DHTKD1: variants seen among roughly 807,000 people sequenced by gnomAD.
DHTKD1 encodes dehydrogenase E1 and transketolase domain containing 1.
A neutral mutation model predicts 101.8 loss-of-function variants in DHTKD1; 78 were observed. The ratio of observed to expected loss-of-function variants is 0.77; its 90% CI spans 0.64 to 0.93. The LOEUF is 0.93. DHTKD1 is among the 40% of genes least tolerant of loss of function. The pLI, the probability that DHTKD1 is intolerant of heterozygous loss-of-function variation, is 0.00. For missense variants in DHTKD1, 1,223 were observed against 1,161.7 expected, an observed-to-expected ratio of 1.05 and a Z score of -0.77; for synonymous variants, 462 against 450.3, an observed-to-expected ratio of 1.03 and a Z score of -0.33.
rs1833138781 is a variant in DHTKD1 at position 12,100,235 on chromosome 10, C to G, written c.1729C>G (p.Leu577Val). Residue 577 changes from leucine (L) to valine (V), a missense_variant, in exon 9 of 17, where the codon CTT becomes GTT. Physicochemically the swap from Leu to Val is conservative, Grantham distance 32 (BLOSUM62 1). Coordinates refer to ENST00000263035, the MANE Select transcript of DHTKD1 (RefSeq NM_018706.7). ...IKLDWATAEA[L>V]ALGSLLAQGF... ...GCTAGACTGGGCCACCGCGGAAGCT[C>G]TTGCCTTGGGTTCTTTACTTGCTCA... is the stretch of plus-strand genomic sequence containing the variant. 1 of 1,539,444 alleles carries G rather than the reference C, an allele frequency of 6.5e-7. No individual in the cohort carries two copies. The highest frequency in any genetic ancestry group is 2.5e-5 in the East Asian group (1 of 40,366).
chr10:12,075,324 G>C lies in DHTKD1; in HGVS notation c.154+6137G>C, dbSNP rs558800717. The stretch of plus-strand genomic sequence containing the variant: ...CCTCCAAGTAGCTGGGGTTGCAGGT[G>C]CTTCTCGCCATGCCCGGCTAATTTC... On this transcript the variant is annotated intron_variant, in intron 1 of 16. Transcript: ENST00000263035. Among the ~76,000 whole-genome samples, 4 of 152,228 alleles carry C rather than the reference G, an allele frequency of 2.6e-5. No individual in the cohort carries two copies. The East Asian group carries it at 5.8e-4, about 22-fold the overall frequency.
Position 12,087,441 on chromosome 10 carries a change from TG to T in DHTKD1, c.523-90del. On this transcript the variant is annotated intron_variant, in intron 3 of 16. Coordinates refer to ENST00000263035, the MANE Select transcript of DHTKD1 (RefSeq NM_018706.7). This position sits in a 1 kb window ranked among gnomAD's most constrained non-coding sequence, Gnocchi z 5.2. Reference sequence around the variant, plus strand: ...CATTGCTGTGGCCACTTGGGGAGTGTGGGGCCATCTCACAACACACACAGAC... The same window carrying T: ...CATTGCTGTGGCCACTTGGGGAGTGTGGGCCATCTCACAACACACACAGAC... 2 of 1,059,726 alleles carry T rather than the reference TG, an allele frequency of 1.9e-6. No homozygotes were observed. The highest frequency in any genetic ancestry group is 1.4e-6 in the Non-Finnish European group (1 of 725,642). The allele number at this position is 1,059,726 out of a possible 1,614,324, so 65.6% of individuals were successfully genotyped here.
chr10:12,112,789 T>C, intron 12 of DHTKD1, 111 bp from the exon 13 acceptor site: 3 of 1,094,338 alleles, frequency 2.7e-6, no homozygotes, highest in Non-Finnish European at 3.9e-6. Flanking sequence ...GGGCAATAGC[T>C]TTTCTGCTAT....
chr10:12,098,980 G>T (rs1385458704), intron 8 of DHTKD1, among the ~76,000 whole-genome samples: 1 of 152,166 alleles, frequency 6.6e-6, no homozygotes, highest in Admixed American at 6.6e-5. Context: ...AGACCAGCCT[G>T]GGCAACATAG....
At chr10:12,115,972 C>T (rs1047482893) in intron 13 of DHTKD1, among the ~76,000 whole-genome samples, 7 of 151,312 alleles carry the variant, frequency 4.6e-5, no homozygotes, top group Admixed American at 4.6e-4. Context: ...GCTCTGTCAC[C>T]CAGGCTGGAG....
At chr10:12,086,221 CT>C (rs1246673651) in intron 3 of DHTKD1, among the ~76,000 whole-genome samples, 27 of 78,072 alleles carry the variant, frequency 3.5e-4, no homozygotes, top group South Asian at 1.1e-3. Flanking sequence ...CTTTTGTTTT[CT>C]TTTCTTTTTT....
intron 7 of DHTKD1, among the ~76,000 whole-genome samples, chr10:12,096,232 TTA>T (rs1469694408): frequency 1.3e-5 from 2 of 152,234 alleles, no homozygotes; most frequent in East Asian, 3.9e-4. Context: ...GTTTATTTCC[TTA>T]TAGATATAAA....
At chr10:12,080,635 C>T (rs1440790761) in intron 1 of DHTKD1, among the ~76,000 whole-genome samples, 2 of 151,122 alleles carry the variant, frequency 1.3e-5, no homozygotes, top group Non-Finnish European at 2.9e-5. Flanking sequence ...GACTTGAACC[C>T]GGGAGGCGCA....
intron 4 of DHTKD1, 60 bp from the exon 5 acceptor site, chr10:12,088,926 C>G: frequency 6.8e-7 from 1 of 1,472,734 alleles, no homozygotes; most frequent in Non-Finnish European, 9.3e-7. Context: ...CTCAGCACTT[C>G]TTCCCTAGAC....
chr10:12,115,467 C>T (rs1350576482), intron 13 of DHTKD1, among the ~76,000 whole-genome samples: 2 of 152,166 alleles, frequency 1.3e-5, no homozygotes, highest in African/African-American at 4.8e-5. Flanking sequence ...GCGATATTTT[C>T]ATGGCCCTAA....
rs531845388 is a variant in DHTKD1, at chr10:12,110,744, A to T, written c.2155-2156A>T. Among the ~76,000 whole-genome samples, 34 of 151,986 alleles carry T rather than the reference A, an allele frequency of 2.2e-4. No individual in the cohort carries two copies. The highest frequency in any genetic ancestry group is 4.3e-4 in the Non-Finnish European group (29 of 68,000). ...TACAGTAGATCTCCAGAACTTATTC[A>T]AGGGAGGAAAGTTGGCCTAGCATGG... On this transcript the variant is annotated intron_variant, in intron 12 of 16. Transcript: ENST00000263035. The surrounding 1 kb of genome is among the most constrained non-coding windows in gnomAD (Gnocchi z 4.9).
At chr10:12,072,487 A>T (rs112155912) in intron 1 of DHTKD1, among the ~76,000 whole-genome samples, 1,746 of 49,464 alleles carry the variant, frequency 0.035, 27 homozygotes, top group East Asian at 0.18. Context: ...AAATAAATAA[A>T]TAAATAAATA....
rs1230883862 is a variant in DHTKD1 at position 12,118,637 on chromosome 10, C to A, written c.2403-112C>A. The stretch of plus-strand genomic sequence containing the variant: ...GACCTCGTGATCCGCCCGCCTTGGC[C>A]TCCCAAAGTGCTGAGATTACAGGCG... On this transcript the variant is annotated intron_variant, in intron 14 of 16. Coordinates refer to ENST00000263035, the MANE Select transcript of DHTKD1 (RefSeq NM_018706.7). 9.3e-6 allele frequency: 7 copies of A among 749,768 alleles called. No homozygotes were observed. In the African/African-American group the frequency reaches 1.1e-4, roughly 11 times the overall value. The allele number at this position is 749,768 out of a possible 1,614,324, so 46.4% of individuals were successfully genotyped here.
At chr10:12,082,446 T>G (rs958972721) in intron 2 of DHTKD1, among the ~76,000 whole-genome samples, 5 of 152,140 alleles carry the variant, frequency 3.3e-5, no homozygotes, top group African/African-American at 1.2e-4. Flanking sequence ...ATCTTGCAAA[T>G]ATCAAATTCT....
Position 12,117,765 on chromosome 10 carries a change from G to C in DHTKD1, c.2402+10G>C, listed in dbSNP as rs139573946. The C allele has an allele frequency of 1.4e-3, 2,083 of 1,518,628 alleles. 19 individuals carry two copies. The highest frequency in any genetic ancestry group is 0.012 in the African/African-American group (898 of 72,756). 94.1% of individuals were successfully genotyped at this position (1,518,628 alleles called of 1,614,324 possible). On this transcript the variant is annotated intron_variant, in intron 14 of 16. Coordinates refer to ENST00000263035, the MANE Select transcript of DHTKD1 (RefSeq NM_018706.7). ...CTGTGGATCCAAAAAAGTAAGATATGTATCTCTGTTTTCATATTCTGTGGC... is the reference window on the plus strand; with the variant it reads ...CTGTGGATCCAAAAAAGTAAGATATCTATCTCTGTTTTCATATTCTGTGGC...
In DHTKD1 at chr10:12,101,179, G is replaced by C. The variant is rs1335661903; in HGVS notation, c.1894G>C (p.Glu632Gln). ...GGACCCAAATCAGAAGGGGTTTCTAGAGGTGAGATGTTTCTATAGCTGTTG... is the reference window on the plus strand; with the variant it reads ...GGACCCAAATCAGAAGGGGTTTCTACAGGTGAGATGTTTCTATAGCTGTTG... ...HMDPNQKGFL[E>Q]VSNSPLSEEA... Residue 632 changes from glutamate (E) to glutamine (Q), a missense_variant and splice_region_variant, in exon 10 of 17, where the codon GAG becomes CAG. Physicochemically the swap from Glu to Gln is conservative, Grantham distance 29. Transcript: ENST00000263035. The C allele has an allele frequency of 1.2e-6, 2 of 1,611,122 alleles. No homozygotes were observed. The highest frequency in any genetic ancestry group is 1.7e-6 in the Non-Finnish European group (2 of 1,179,282).
rs1171814292 is a variant in DHTKD1 at position 12,109,729 on chromosome 10, C to T, written c.2154+1714C>T. ...AAGTAATCCCAGCACTTTGAGAGGC[C>T]GAGGTGGGAGGATCACTTGAGCCCA... On this transcript the variant is annotated intron_variant, in intron 12 of 16. Coordinates refer to ENST00000263035, the MANE Select transcript of DHTKD1 (RefSeq NM_018706.7). 7.2e-5 allele frequency among the ~76,000 whole-genome samples: 11 copies of T among 151,758 alleles called. No individual in the cohort carries two copies. In the East Asian group the frequency reaches 7.7e-4, roughly 11 times the overall value.
At chr10:12,104,542 T>G (rs766033877) in intron 10 of DHTKD1, among the ~76,000 whole-genome samples, 16 of 152,200 alleles carry the variant, frequency 1.1e-4, no homozygotes, top group Middle Eastern at 3.2e-3. Flanking sequence ...TTTTTAAAAT[T>G]TGAAAGAAAC....
chr10:12,090,364 C>T (rs938727292), intron 5 of DHTKD1, among the ~76,000 whole-genome samples: 20 of 111,176 alleles, frequency 1.8e-4, no homozygotes, highest in Admixed American at 4.8e-4. Context: ...GCCGGCCCTC[C>T]CTCCCTTCCT....
Sources: gnomAD v4.1 joint callset for allele counts (sites outside exome capture counted in the v4.1 genomes callset) on GRCh38, gnomAD v4.1.1 for gene constraint, Gnocchi (gnomAD v3.1) non-coding constraint, MANE v1.5 for transcripts, NCBI Gene and HGNC (gene_info 2026-07-23, HGNC 2026-07-21) for gene names.